Variants in KIFC3 observed in about 807,000 individuals in gnomAD.
KIFC3 encodes the protein kinesin-like protein KIFC3.
Under a neutral mutation model 101.8 loss-of-function variants are expected in KIFC3, and 60 were observed. The observed-to-expected ratio is 0.59, with a 90% CI of 0.48 to 0.73. The LOEUF (loss-of-function observed/expected upper bound fraction) is 0.73. Ranked by LOEUF, KIFC3 falls within the 30% of genes least tolerant of loss-of-function variation. The probability of loss-of-function intolerance (pLI) is 0.00; values close to 1 mark genes in which losing one functional copy is unlikely to be tolerated. For missense variants in KIFC3, 966 were observed against 1,137.1 expected, an observed-to-expected ratio of 0.85 and a Z score of 2.16; for synonymous variants, 476 against 482.7, an observed-to-expected ratio of 0.99 and a Z score of 0.18.
chr16:57,785,778 G>C, intron 3 of KIFC3: 1 of 533,000 alleles, frequency 1.9e-6, no homozygotes, highest in Non-Finnish European at 2.7e-6. Flanking sequence ...GCAAGCAGAG[G>C]GGGTGGGCAA....
chr16:57,798,373 C>A (rs2054510202), intron 1 of KIFC3, 91 bp from the exon 2 acceptor site: 1 of 1,168,092 alleles, frequency 8.6e-7, no homozygotes, highest in Admixed American at 2.0e-5. Flanking sequence ...AGGGTCTACG[C>A]CCCACCGGTC....
intron 1 of KIFC3, chr16:57,830,474 T>G (rs534945899): frequency 6.6e-6 from 1 of 151,944 alleles, no homozygotes; most frequent in African/African-American, 2.4e-5. Context: ...CCGGACCTCA[T>G]GATCCACCCA....
intron 1 of KIFC3, among the ~76,000 whole-genome samples, chr16:57,859,490 A>T (rs1282921621): frequency 6.6e-6 from 1 of 152,164 alleles, no homozygotes; most frequent in Non-Finnish European, 1.5e-5. Context: ...CACTAAGGAG[A>T]TACTAATTAT....
chr16:57,772,574 C>G (rs1259560485), intron 3 of KIFC3, among the ~76,000 whole-genome samples: 1 of 152,196 alleles, frequency 6.6e-6, no homozygotes, highest in East Asian at 1.9e-4. Context: ...CACCCCGATG[C>G]CCCCTGGGCC....
At chr16:57,824,036 T>C (rs1175074255) in intron 1 of KIFC3, among the ~76,000 whole-genome samples, 1 of 152,226 alleles carries the variant, frequency 6.6e-6, no homozygotes, top group Non-Finnish European at 1.5e-5. Flanking sequence ...TGCAGAGTCC[T>C]GTCAGGGAGA....
At chr16:57,782,132 G>A (rs1045300491) in intron 3 of KIFC3, 2 of 985,304 alleles carry the variant, frequency 2.0e-6, no homozygotes, top group Non-Finnish European at 1.2e-6. Context: ...AGGGCACACG[G>A]GAGTGACAGC....
chr16:57,821,723 G>A (rs372952073), intron 1 of KIFC3, among the ~76,000 whole-genome samples: 3 of 152,096 alleles, frequency 2.0e-5, no homozygotes, highest in Admixed American at 6.6e-5. Context: ...ACAACACTTC[G>A]CTGACCTCAG....
chr16:57,789,177 A>C (rs2053629753), intron 3 of KIFC3, among the ~76,000 whole-genome samples: 1 of 152,162 alleles, frequency 6.6e-6, no homozygotes, highest in African/African-American at 2.4e-5. Flanking sequence ...TGGGACCCCC[A>C]GGACTGCCAA....
upstream of KIFC3, among the ~76,000 whole-genome samples, chr16:57,807,256 G>T (rs575672222): frequency 1.6e-4 from 25 of 152,070 alleles, no homozygotes; most frequent in East Asian, 4.6e-3. Flanking sequence ...AGCTCTTGGA[G>T]GTGAAGAGCC....
chr16:57,830,236 CT>C (rs34842791), intron 1 of KIFC3, among the ~76,000 whole-genome samples: 1,874 of 119,284 alleles, frequency 0.016, 7 homozygotes, highest in African/African-American at 0.028. Flanking sequence ...TTTTTTCTTT[CT>C]TTTTTTTTTT....
chr16:57,840,760 C>CAA (rs11447265), intron 1 of KIFC3, among the ~76,000 whole-genome samples: 51 of 100,062 alleles, frequency 5.1e-4, no homozygotes, highest in South Asian at 1.3e-3. Flanking sequence ...AACTCTGTCT[C>CAA]AAAAAAAAAA....
intron 1 of KIFC3, among the ~76,000 whole-genome samples, chr16:57,821,729 C>T (rs2055354447): frequency 6.6e-6 from 1 of 152,062 alleles, no homozygotes; most frequent in Admixed American, 6.6e-5. Flanking sequence ...CTTCGCTGAC[C>T]TCAGAATTCC....
chr16:57,758,426 C>T lies in KIFC3; in HGVS notation c.*508G>A. ...GAGGCCATGCGCCTCCGCACACCCCCCAGCTGCGGGAACCCTCCTTGAAGG... is the reference window on the plus strand; with the variant it reads ...GAGGCCATGCGCCTCCGCACACCCCTCAGCTGCGGGAACCCTCCTTGAAGG... On this transcript the variant is annotated 3_prime_UTR_variant, in exon 20 of 20. Transcript: ENST00000445690. 1 of 369,890 alleles carries T rather than the reference C, an allele frequency of 2.7e-6. No individual in the cohort carries two copies. The highest frequency in any genetic ancestry group is 5.3e-6 in the Non-Finnish European group (1 of 189,786). 22.9% of individuals were successfully genotyped at this position (369,890 alleles called of 1,614,324 possible).
At chr16:57,845,042 G>A (rs1429320843) in intron 1 of KIFC3, among the ~76,000 whole-genome samples, 1 of 152,088 alleles carries the variant, frequency 6.6e-6, no homozygotes, top group African/African-American at 2.4e-5. Flanking sequence ...TTATAGCAGG[G>A]AGACAAAAAT....
chr16:57,803,346 T>C (rs2054850135), upstream of KIFC3: 1 of 654,480 alleles, frequency 1.5e-6, no homozygotes, highest in African/African-American at 1.8e-5. Context: ...GGCAGCATTT[T>C]ATTCCAGAGC....
chr16:57,799,942 G>T (rs1346916778), intron 1 of KIFC3, among the ~76,000 whole-genome samples: 3 of 152,042 alleles, frequency 2.0e-5, no homozygotes, highest in Non-Finnish European at 4.4e-5. Flanking sequence ...GGCAAACTTC[G>T]GAGGGCTCAA....
In KIFC3 at chr16:57,830,957, G is replaced by A. The variant is rs548640320; in HGVS notation, c.108+31772C>T. Among the ~76,000 whole-genome samples, 6 of 152,266 alleles carry A rather than the reference G, an allele frequency of 3.9e-5. No individual in the cohort carries two copies. The East Asian group carries it at 1.2e-3, about 29-fold the overall frequency. On this transcript the variant is annotated intron_variant, in intron 1 of 2. Coordinates refer to the KIFC3 transcript ENST00000563028. The stretch of plus-strand genomic sequence containing the variant: ...GGTCTTTGAGGTGACAGTTTAGACA[G>A]GAGGTAGGAATCTTGCTAATGAAAG...
chr16:57,794,842 T>C (rs2054162056), intron 3 of KIFC3, among the ~76,000 whole-genome samples, 157 bp downstream of exon 3: 1 of 152,092 alleles, frequency 6.6e-6, no homozygotes, highest in Non-Finnish European at 1.5e-5. Flanking sequence ...TAAAGCAGGC[T>C]CCCAGGCAGA....
chr16:57,841,283 A>C (rs2055804948), intron 1 of KIFC3, among the ~76,000 whole-genome samples: 1 of 152,208 alleles, frequency 6.6e-6, no homozygotes, highest in Non-Finnish European at 1.5e-5. Context: ...CCCCACTGAA[A>C]GGGGCATCTG....
Sources: allele counts gnomAD v4.1 joint callset (sites outside exome capture counted in the v4.1 genomes callset), GRCh38; gene constraint gnomAD v4.1.1; transcripts MANE v1.5; gene names NCBI Gene and HGNC (gene_info 2026-07-23, HGNC 2026-07-21).